The following KIR3DL3 variants were observed in gnomAD, a reference collection of about 807,000 sequenced individuals.
KIR3DL3 encodes the protein killer cell immunoglobulin-like receptor 3DL3.
KIR3DL3 carries 27 observed loss-of-function variants against 34.9 expected under a neutral mutation model. The ratio of observed to expected loss-of-function variants is 0.77; its 90% CI spans 0.57 to 1.07. The LOEUF is 1.07. KIR3DL3 is among the 50% of genes least tolerant of loss of function. KIR3DL3 has a pLI of 0.00. For missense variants in KIR3DL3, 681 were observed against 528.5 expected, an observed-to-expected ratio of 1.29 and a Z score of -2.83; for synonymous variants, 217 against 200.2, an observed-to-expected ratio of 1.08 and a Z score of -0.71.
intron 4 of KIR3DL3, among the ~76,000 whole-genome samples, chr19:54,728,551 G>A (rs934738989): frequency 7.9e-5 from 12 of 151,898 alleles, no homozygotes; most frequent in East Asian, 1.9e-4. Flanking sequence ...AGAGAGACAC[G>A]GAGTGAAATC....
intron 6 of KIR3DL3, 101 bp from the exon 7 acceptor site, chr19:54,735,719 C>T: frequency 7.3e-7 from 1 of 1,377,904 alleles, no homozygotes; most frequent in Non-Finnish European, 1.0e-6. Flanking sequence ...ACTGAGGGAC[C>T]TCAGGCACCT....
In KIR3DL3 at chr19:54,729,738, C is replaced by T; in HGVS notation, c.901C>T (p.Pro301Ser). The change falls in exon 5 of 8, where the codon CCC becomes TCC. Residue 301 changes from proline to serine, a missense_variant. Physicochemically the swap from Pro to Ser is moderately conservative, Grantham distance 74 (BLOSUM62 -1). Transcript: ENST00000291860. The stretch of plus-strand genomic sequence containing the variant: ...ATGCTTCGGCTCTTTCCGTGCCCTG[C>T]CCCATGCGTGGTCAGACCCGAGTGA... ...YRCFGSFRAL[P>S]HAWSDPSDPL... 1 of 1,587,550 alleles carries T rather than the reference C, an allele frequency of 6.3e-7. No homozygotes were observed.
intron 6 of KIR3DL3, 21 bp downstream of exon 6, chr19:54,735,378 G>T: frequency 8.7e-7 from 1 of 1,154,520 alleles, no homozygotes; most frequent in Non-Finnish European, 1.3e-6. Context: ...CGAAGCAGAA[G>T]CCAGAGAGCT....
chr19:54,733,747 A>G (rs1164241586), intron 5 of KIR3DL3, among the ~76,000 whole-genome samples: 1 of 152,224 alleles, frequency 6.6e-6, no homozygotes, highest in Admixed American at 6.5e-5. Flanking sequence ...CCTGGAATAG[A>G]GAACGTGCTC....
chr19:54,729,919 A>T, intron 5 of KIR3DL3, 133 bp downstream of exon 5: 1 of 638,916 alleles, frequency 1.6e-6, no homozygotes, highest in Non-Finnish European at 2.4e-6. Flanking sequence ...GGGCGGGGTC[A>T]GGGCGCAGGA....
chr19:54,734,847 G>A (rs1384238761), intron 5 of KIR3DL3, among the ~76,000 whole-genome samples: 2 of 131,884 alleles, frequency 1.5e-5, no homozygotes, highest in Admixed American at 7.8e-5. Flanking sequence ...GACCAAGGGG[G>A]AGGGGGAGCG....
chr19:54,725,981 A>G lies in KIR3DL3; in HGVS notation c.71-72A>G, dbSNP rs2146750845. On this transcript the variant is annotated intron_variant, in intron 2 of 7. Coordinates refer to ENST00000291860, the MANE Select transcript of KIR3DL3 (RefSeq NM_153443.5). ...GCCTTAGAAACGTGGAAATGGGAGA[A>G]TCTTCTGAGCACAGGGAGGGAGGGG... 5 of 1,352,460 alleles carry G rather than the reference A, an allele frequency of 3.7e-6. No individual in the cohort carries two copies. In the East Asian group the frequency reaches 1.2e-4, roughly 31 times the overall value. The allele number at this position is 1,352,460 out of a possible 1,614,324, so 83.8% of individuals were successfully genotyped here.
intron 6 of KIR3DL3, 75 bp from the exon 7 acceptor site, chr19:54,735,745 A>G (rs374765040): frequency 1.3e-6 from 2 of 1,530,000 alleles, no homozygotes; most frequent in Middle Eastern, 2.2e-4. Context: ...CTCCCCCTGT[A>G]TGTTGGTATC....
Position 54,729,507 on chromosome 19 carries a change from CCTT to C in KIR3DL3, c.673_675del (p.Ser225del), listed in dbSNP as rs879204271. 10 of 1,604,664 alleles carry C rather than the reference CCTT, an allele frequency of 6.2e-6. No individual in the cohort carries two copies. In the South Asian group the frequency reaches 7.8e-5, roughly 12 times the overall value. On this transcript the variant is annotated inframe_deletion, in exon 5 of 8. Coordinates refer to ENST00000291860, the MANE Select transcript of KIR3DL3 (RefSeq NM_153443.5). ...TCTTCTTCCAGGTCTATATGGGAAA[CCTT>C]CTCTCTCAGCCCAGCCGGGCCCCAC... is the stretch of plus-strand genomic sequence containing the variant.
chr19:54,726,879 G>T (rs1299073058), intron 3 of KIR3DL3, among the ~76,000 whole-genome samples: 1 of 126,774 alleles, frequency 7.9e-6, no homozygotes, highest in Non-Finnish European at 1.7e-5. Flanking sequence ...GAGAGAACTG[G>T]GTCCGATTTC....
chr19:54,730,119 GCCTGTCAC>G (rs1205564987), intron 5 of KIR3DL3, among the ~76,000 whole-genome samples: 1 of 152,096 alleles, frequency 6.6e-6, no homozygotes, highest in Non-Finnish European at 1.5e-5. Flanking sequence ...GCCCATCCTG[GCCTGTCAC>G]CCACAGAGAG....
At position 54,725,268 on chromosome 19, in the gene KIR3DL3, C is replaced by G; in HGVS notation, c.56C>G (p.Pro19Arg). The change falls in exon 2 of 8, where the codon CCC (proline) becomes CGC (arginine). Residue 19 changes from proline to arginine, a missense_variant. Physicochemically the swap from Pro to Arg is moderately radical, Grantham distance 103. Transcript: ENST00000291860. Reference sequence around the variant, plus strand: ...CCAGGGTTCTTCTTGCTGGAGGGGCCCTGGCCACATGTGGGTGAGTCCTTC... The same window carrying G: ...CCAGGGTTCTTCTTGCTGGAGGGGCGCTGGCCACATGTGGGTGAGTCCTTC... ...ACVGFFLLEG[P>R]WPHVGGQDKP... is the part of the protein sequence containing the mutation. 2.5e-6 allele frequency: 4 copies of G among 1,591,862 alleles called. No individual in the cohort carries two copies. The highest frequency in any genetic ancestry group is 3.4e-6 in the Non-Finnish European group (4 of 1,167,768).
Position 54,735,248 on chromosome 19 carries a change from T to G in KIR3DL3, c.950-5T>G. On this transcript the variant is annotated splice_polypyrimidine_tract_variant and splice_region_variant and intron_variant, in intron 5 of 7. Coordinates refer to ENST00000291860, the MANE Select transcript of KIR3DL3 (RefSeq NM_153443.5). ...GCTTCTTATTGGTGTCTTGTCTTCC[T>G]CCAGGTAACTCCAGAAACCTGCACG... 1 of 1,487,872 alleles carries G rather than the reference T, an allele frequency of 6.7e-7. No individual in the cohort carries two copies. The allele number at this position is 1,487,872 out of a possible 1,614,324, so 92.2% of individuals were successfully genotyped here.
chr19:54,729,491 A>G lies in KIR3DL3; in HGVS notation c.656-2A>G. Reference sequence around the variant, plus strand: ...TGAGGAAACCACCTCTTCTTCTTCCAGGTCTATATGGGAAACCTTCTCTCT... The same window carrying G: ...TGAGGAAACCACCTCTTCTTCTTCCGGGTCTATATGGGAAACCTTCTCTCT... On this transcript the variant is annotated splice_acceptor_variant, in intron 4 of 7. Coordinates refer to ENST00000291860, the MANE Select transcript of KIR3DL3 (RefSeq NM_153443.5). LOFTEE classifies it high-confidence loss of function. The G allele has an allele frequency of 6.3e-7, 1 of 1,590,410 alleles. No individual in the cohort carries two copies. Among genetic ancestry groups the G allele is most frequent in the African/African-American group, 1.4e-5 (1 of 73,110 alleles).
At chr19:54,726,703 C>A (rs1324616065) in intron 3 of KIR3DL3, among the ~76,000 whole-genome samples, 1 of 144,922 alleles carries the variant, frequency 6.9e-6, no homozygotes, top group Non-Finnish European at 1.5e-5. Flanking sequence ...GTTAGAGCAA[C>A]GTCGTGGGAG....
rs565504003 is a variant in KIR3DL3, at chr19:54,736,120, G to T, written c.*24G>T. On this transcript the variant is annotated 3_prime_UTR_variant, in exon 8 of 8. Coordinates refer to ENST00000291860, the MANE Select transcript of KIR3DL3 (RefSeq NM_153443.5). ...AACACGGAACTTCCAAATGCTGAGC[G>T]CAGATCCAAAGTTGTCTTCTGTCCA... 1.6e-5 allele frequency: 26 copies of T among 1,580,090 alleles called. No individual in the cohort carries two copies. The highest frequency in any genetic ancestry group is 2.2e-5 in the Non-Finnish European group (26 of 1,161,856).
rs2146894374 is a variant in KIR3DL3, at chr19:54,735,818, A to G, written c.1055-2A>G. 2 of 1,608,254 alleles carry G rather than the reference A, an allele frequency of 1.2e-6. No individual in the cohort carries two copies. Among genetic ancestry groups the G allele is most frequent in the East Asian group, 4.5e-5 (2 of 44,822 alleles). On this transcript the variant is annotated splice_acceptor_variant, in intron 6 of 7. Coordinates refer to ENST00000291860, the MANE Select transcript of KIR3DL3 (RefSeq NM_153443.5). LOFTEE classifies it high-confidence loss of function. The stretch of plus-strand genomic sequence containing the variant: ...TGTTTTGACGACTTCCGTCTTCTAC[A>G]GATGCTGTTGTAATGGACCAAGAGC...
At chr19:54,727,051 G>T (rs2068261826) in intron 3 of KIR3DL3, among the ~76,000 whole-genome samples, 1 of 136,990 alleles carries the variant, frequency 7.3e-6, no homozygotes, top group Non-Finnish European at 1.6e-5. Context: ...GCATGGGTGG[G>T]ATACTGATGC....
rs2068158557 is a variant in KIR3DL3, at chr19:54,726,223, C to T, written c.241C>T (p.Leu81Phe). 3.7e-6 allele frequency: 6 copies of T among 1,613,870 alleles called. No homozygotes were observed. The highest frequency in any genetic ancestry group is 1.6e-4 in the Middle Eastern group (1 of 6,062). Residue 81 changes from leucine (L) to phenylalanine (F), a missense_variant, in exon 3 of 8, where the codon CTC (leucine) becomes TTC (phenylalanine). Coordinates refer to ENST00000291860, the MANE Select transcript of KIR3DL3 (RefSeq NM_153443.5). Reference sequence around the variant, plus strand: ...CAACAGAATATTCCGGAACAGCTTTCTCATGGGCCCTGTGACCCCAGCACA... The same window carrying T: ...CAACAGAATATTCCGGAACAGCTTTTTCATGGGCCCTGTGACCCCAGCACA... Reference protein sequence around the residue: ...LYNRIFRNSFLMGPVTPAHAG... With the variant: ...LYNRIFRNSFFMGPVTPAHAG...
Sources: gnomAD v4.1 joint callset for allele counts (sites outside exome capture counted in the v4.1 genomes callset) on GRCh38, gnomAD v4.1.1 for gene constraint, MANE v1.5 for transcripts, NCBI Gene and HGNC (gene_info 2026-07-23, HGNC 2026-07-21) for gene names.